The following BPIFB2 variants were observed in gnomAD, a reference collection of about 807,000 sequenced individuals.
The protein encoded by BPIFB2 is BPI fold-containing family B member 2.
Under a neutral mutation model 50.1 loss-of-function variants are expected in BPIFB2, and 39 were observed. The observed-to-expected ratio is 0.78, with a 90% CI of 0.60 to 1.02. BPIFB2 has a LOEUF of 1.02. Ranked by LOEUF, BPIFB2 falls within the 50% of genes least tolerant of loss-of-function variation. The pLI is 0.00. For synonymous variants in BPIFB2, 280 were observed against 256.3 expected, an observed-to-expected ratio of 1.09 and a Z score of -0.88; for missense variants, 574 against 585.8, an observed-to-expected ratio of 0.98 and a Z score of 0.21.
chr20:33,007,894 A>C (rs1990229815), intron 1 of BPIFB2, 134 bp downstream of exon 1: 1 of 152,470 alleles, frequency 6.6e-6, no homozygotes, highest in Admixed American at 6.5e-5. Context: ...GGACCTGGGC[A>C]AGTGCCGCCA....
At position 33,023,619 on chromosome 20, in the gene BPIFB2, T is replaced by G; in HGVS notation, c.*236T>G. 3 of 600,752 alleles carry G rather than the reference T, an allele frequency of 5.0e-6. No homozygotes were observed. The highest frequency in any genetic ancestry group is 9.0e-6 in the Non-Finnish European group (3 of 334,140). The allele number at this position is 600,752 out of a possible 1,614,324, so 37.2% of individuals were successfully genotyped here. ...TCCCTCATCTCCCCCCTCCTTCCTC[T>G]GCCCCACCCCAGCGGGGAGCAGACT... On this transcript the variant is annotated 3_prime_UTR_variant, in exon 16 of 16. Transcript: ENST00000170150.
Position 33,018,269 on chromosome 20 carries a change from C to T in BPIFB2, c.588C>T (p.Pro196=), listed in dbSNP as rs748859326. The T allele has an allele frequency of 1.9e-6, 3 of 1,613,298 alleles. No individual in the cohort carries two copies. The highest frequency in any genetic ancestry group is 1.7e-5 in the Admixed American group (1 of 59,998). The change falls in exon 8 of 16, where the codon CCC becomes CCT. Residue 196 remains proline (P), a synonymous_variant. Coordinates refer to ENST00000170150, the MANE Select transcript of BPIFB2 (RefSeq NM_025227.3). The part of the protein sequence containing the change: ...VHLGTLIGLN[P]VGPESQIRYS... ...CCTGGTTTCATGAAGGCCTCAACCC[C>T]GTGGGTCCTGAGTCCCAGATCCGCT... is the stretch of plus-strand genomic sequence containing the variant.
intron 6 of BPIFB2, among the ~76,000 whole-genome samples, chr20:33,015,816 C>G (rs957970150): frequency 6.6e-6 from 1 of 151,922 alleles, no homozygotes; most frequent in Non-Finnish European, 1.5e-5. Context: ...GAAGACAGAA[C>G]GAGAGTGAAC....
intron 9 of BPIFB2, 33 bp from the exon 10 acceptor site, chr20:33,019,029 A>G: frequency 1.2e-6 from 2 of 1,613,958 alleles, no homozygotes; most frequent in Non-Finnish European, 1.7e-6. Context: ...CAGCTGTCCT[A>G]AAACCTGTTG....
intron 14 of BPIFB2, 29 bp from the exon 15 acceptor site, chr20:33,021,694 G>A: frequency 1.9e-6 from 3 of 1,609,814 alleles, no homozygotes; most frequent in African/African-American, 1.3e-5. Flanking sequence ...GGCTCCAGGG[G>A]ACGATCCTTT....
chr20:33,013,115 G>A (rs976664737), intron 4 of BPIFB2, among the ~76,000 whole-genome samples: 13 of 152,110 alleles, frequency 8.5e-5, no homozygotes, highest in Admixed American at 4.6e-4. Flanking sequence ...CTGCAACTGG[G>A]CAGAGTCACT....
intron 14 of BPIFB2, 60 bp downstream of exon 14, chr20:33,021,404 C>T: frequency 6.5e-7 from 1 of 1,532,812 alleles, no homozygotes; most frequent in Non-Finnish European, 8.9e-7. Context: ...CCCACATCTG[C>T]TCGGTGCTCA....
intron 4 of BPIFB2, 44 bp from the exon 5 acceptor site, chr20:33,013,766 C>T (rs748299650): frequency 6.3e-7 from 1 of 1,593,904 alleles, no homozygotes; most frequent in South Asian, 1.1e-5. Flanking sequence ...ATGGTGGGCT[C>T]TGCTGGGCGG....
chr20:33,018,094 A>G (rs1978500724), intron 7 of BPIFB2, among the ~76,000 whole-genome samples, 165 bp from the exon 8 acceptor site: 1 of 152,208 alleles, frequency 6.6e-6, no homozygotes, highest in African/African-American at 2.4e-5. Context: ...GCACTTTGCC[A>G]CTTAAATTTG....
At position 33,013,839 on chromosome 20, in the gene BPIFB2, CTG is replaced by C. The variant is rs757028187; in HGVS notation, c.341_342del (p.Val114GlyfsTer5). 18 of 1,613,952 alleles carry C rather than the reference CTG, an allele frequency of 1.1e-5. No individual in the cohort carries two copies. The highest frequency in any genetic ancestry group is 1.5e-5 in the Non-Finnish European group (18 of 1,179,992). ...CCAGAGCCCCTGGAGCTGACGCTGC[CTG>C]TGGAACTGCTGGCTGACACCCGCGT... On this transcript the variant is annotated frameshift_variant, in exon 5 of 16. Transcript: ENST00000170150. LOFTEE classifies it high-confidence loss of function.
In BPIFB2 at chr20:33,020,587, T is replaced by C. The variant is rs1400160711; in HGVS notation, c.1194T>C (p.Asp398=). Reference sequence around the variant, plus strand: ...CCTCCTCCAACGTGGGCTTCATTGATGTGAGTGTGGGGCTGGGGCCTCTAG... The same window carrying C: ...CCTCCTCCAACGTGGGCTTCATTGACGTGAGTGTGGGGCTGGGGCCTCTAG... ...TVASSNVGFI[D]TDQVRTLMGT... is the part of the protein sequence containing the mutation. The change falls in exon 13 of 16, where the codon GAT becomes GAC. Residue 398 remains aspartate, a splice_region_variant and synonymous_variant. Transcript: ENST00000170150. 2 of 1,607,776 alleles carry C rather than the reference T, an allele frequency of 1.2e-6. No homozygotes were observed. The highest frequency in any genetic ancestry group is 1.3e-5 in the African/African-American group (1 of 74,822).
intron 13 of BPIFB2, 24 bp from the exon 14 acceptor site, chr20:33,021,257 A>T: frequency 6.2e-7 from 1 of 1,613,474 alleles, no homozygotes; most frequent in African/African-American, 1.3e-5. Flanking sequence ...GGACGGGCCC[A>T]TCTCCCTGGC....
intron 4 of BPIFB2, 112 bp from the exon 5 acceptor site, chr20:33,013,698 C>T: frequency 1.4e-6 from 2 of 1,458,442 alleles, no homozygotes; most frequent in Non-Finnish European, 1.8e-6. Flanking sequence ...GGGGGGCCTG[C>T]CTGGGCCAAG....
intron 4 of BPIFB2, 26 bp from the exon 5 acceptor site, chr20:33,013,784 C>T (rs760803033): frequency 3.4e-5 from 55 of 1,605,962 alleles, no homozygotes; most frequent in East Asian, 6.7e-5. Context: ...CGGTGCTGCT[C>T]GGGCTCAGGA....
intron 4 of BPIFB2, 42 bp from the exon 5 acceptor site, chr20:33,013,768 G>A: frequency 6.3e-7 from 1 of 1,595,424 alleles, no homozygotes; most frequent in East Asian, 2.2e-5. Flanking sequence ...GGTGGGCTCT[G>A]CTGGGCGGTG....
At chr20:33,013,560 G>T (rs1172935796) in intron 4 of BPIFB2, among the ~76,000 whole-genome samples, 1 of 152,180 alleles carries the variant, frequency 6.6e-6, no homozygotes, top group African/African-American at 2.4e-5. Flanking sequence ...CTGGCCCAGG[G>T]TCTCACAGTG....
At position 33,018,264 on chromosome 20, in the gene BPIFB2, A is replaced by ATTGAG; in HGVS notation, c.583_584insTTGAG (p.Asn195IlefsTer93). On this transcript the variant is annotated frameshift_variant, in exon 8 of 16. Coordinates refer to ENST00000170150, the MANE Select transcript of BPIFB2 (RefSeq NM_025227.3). LOFTEE classifies it high-confidence loss of function. ...TCTACCCTGGTTTCATGAAGGCCTC[A>ATTGAG]ACCCCGTGGGTCCTGAGTCCCAGAT... is the stretch of plus-strand genomic sequence containing the variant. The ATTGAG allele has an allele frequency of 6.2e-7, 1 of 1,611,340 alleles. No homozygotes were observed. The highest frequency in any genetic ancestry group is 8.5e-7 in the Non-Finnish European group (1 of 1,177,620).
intron 7 of BPIFB2, 87 bp from the exon 8 acceptor site, chr20:33,018,172 C>T: frequency 1.9e-6 from 2 of 1,043,924 alleles, no homozygotes; most frequent in Non-Finnish European, 2.8e-6. Context: ...GGTAATCAGA[C>T]AATAAATAAA....
Position 33,012,585 on chromosome 20 carries a change from G to A in BPIFB2, c.204-218G>A, listed in dbSNP as rs73907346. ...CTCACCCAAGTCCTGCCCGAAGCGG[G>A]GGCCCCTCTGCATGTTCTCCCTACC... On this transcript the variant is annotated intron_variant, in intron 3 of 15. Transcript: ENST00000170150. 6.8e-3 allele frequency among the ~76,000 whole-genome samples: 1,029 copies of A among 152,198 alleles called. 13 individuals carry two copies. The highest frequency in any genetic ancestry group is 0.023 in the African/African-American group (967 of 41,514).
Sources: allele counts gnomAD v4.1 joint callset (sites outside exome capture counted in the v4.1 genomes callset), GRCh38; gene constraint gnomAD v4.1.1; transcripts MANE v1.5; gene names NCBI Gene and HGNC (gene_info 2026-07-23, HGNC 2026-07-21).